The following RAB6A variants were observed in gnomAD, a reference collection of about 807,000 sequenced individuals.
RAB6A encodes the protein ras-related protein Rab-6A.
A neutral mutation model predicts 32.3 loss-of-function variants in RAB6A; 8 were observed. The ratio of observed to expected loss-of-function variants is 0.25; its 90% CI spans 0.15 to 0.45. The LOEUF is 0.45. RAB6A is among the 20% of genes least tolerant of loss of function. RAB6A has a pLI of 1.00. For synonymous variants in RAB6A, 73 were observed against 82.1 expected (o/e 0.89, Z 0.60); for missense variants, 104 against 249.4 (o/e 0.42, Z 3.93).
rs755868828 is a variant in RAB6A at position 73,742,986 on chromosome 11, A to T, written c.71-12163T>A. On this transcript the variant is annotated intron_variant, in intron 1 of 7. Coordinates refer to ENST00000336083, the MANE Select transcript of RAB6A (RefSeq NM_198896.2). ...CACTGAAGAAAACAAATATGCACAC[A>T]TACAAGAGAGTGAACAAGATAAGAA... 8.5e-5 allele frequency among the ~76,000 whole-genome samples: 13 copies of T among 152,092 alleles called. 1 individual carries two copies. Among genetic ancestry groups the T allele is most frequent in the Non-Finnish European group, 1.9e-4 (13 of 68,032 alleles).
chr11:73,757,125 ATATATTTTTTTTTT>A (rs1946770342), intron 1 of RAB6A, among the ~76,000 whole-genome samples: 2 of 46,138 alleles, frequency 4.3e-5, no homozygotes, highest in African/African-American at 1.1e-4. Context: ...ATATATATAT[ATATATTTTTTTTTT>A]TTTTTTTTTT....
intron 1 of RAB6A, among the ~76,000 whole-genome samples, chr11:73,739,954 G>A (rs1252683748): frequency 6.6e-6 from 1 of 151,872 alleles, no homozygotes; most frequent in Non-Finnish European, 1.5e-5. Context: ...AGCTACTCAG[G>A]AGACTGAGGC....
chr11:73,675,975 T>C lies in RAB6A; in HGVS notation c.*1923A>G, dbSNP rs1373751986. 1.2e-5 allele frequency: 2 copies of C among 166,620 alleles called. No individual in the cohort carries two copies. The highest frequency in any genetic ancestry group is 2.9e-5 in the Non-Finnish European group (2 of 68,026). 10.3% of individuals were successfully genotyped at this position (166,620 alleles called of 1,614,324 possible). On this transcript the variant is annotated 3_prime_UTR_variant, in exon 8 of 8. Coordinates refer to ENST00000336083, the MANE Select transcript of RAB6A (RefSeq NM_198896.2). ...TCAACCCTTGCCTTTAACAATTATATTGTATTATAAAAGCACTTTACAACT... is the reference window on the plus strand; with the variant it reads ...TCAACCCTTGCCTTTAACAATTATACTGTATTATAAAAGCACTTTACAACT...
At chr11:73,724,783 G>T (rs1367479665) in intron 2 of RAB6A, among the ~76,000 whole-genome samples, 1 of 152,160 alleles carries the variant, frequency 6.6e-6, no homozygotes, top group South Asian at 2.1e-4. Flanking sequence ...ACTGCGCCTG[G>T]CCTCCTAAAT....
intron 1 of RAB6A, among the ~76,000 whole-genome samples, chr11:73,745,111 T>TG (rs954550311): frequency 1.3e-5 from 2 of 152,170 alleles, no homozygotes; most frequent in African/African-American, 4.8e-5. Context: ...TCTTTTCTTA[T>TG]GGGAAAAAAT....
At chr11:73,729,562 GCTCT>G (rs1484298957) in intron 2 of RAB6A, 4 of 151,726 alleles carry the variant, frequency 2.6e-5, no homozygotes, top group Non-Finnish European at 1.5e-5. Flanking sequence ...TTGTTTTTCT[GCTCT>G]CTCTTTCATA....
At chr11:73,696,440 C>T (rs902355739) in intron 6 of RAB6A, among the ~76,000 whole-genome samples, 18 of 152,086 alleles carry the variant, frequency 1.2e-4, no homozygotes, top group African/African-American at 3.4e-4. Context: ...GTGATCCTCC[C>T]GCCTCAGCCT....
At chr11:73,724,733 G>A (rs761092634) in intron 2 of RAB6A, among the ~76,000 whole-genome samples, 9 of 151,898 alleles carry the variant, frequency 5.9e-5, no homozygotes, top group African/African-American at 9.7e-5. Flanking sequence ...TGATCCGCCC[G>A]CCTTGGCCTC....
At chr11:73,739,220 G>A (rs1239653239) in intron 1 of RAB6A, among the ~76,000 whole-genome samples, 3 of 132,152 alleles carry the variant, frequency 2.3e-5, no homozygotes, top group African/African-American at 2.9e-5. Context: ...ACTCTGGCCT[G>A]GGAGACAGAG....
intron 6 of RAB6A, among the ~76,000 whole-genome samples, chr11:73,702,180 T>C (rs763724425): frequency 1.6e-4 from 25 of 152,190 alleles, no homozygotes; most frequent in Non-Finnish European, 3.1e-4. Context: ...TTTTTGTTTA[T>C]TGAGACAGTC....
chr11:73,742,724 C>T (rs1040334408), intron 1 of RAB6A, among the ~76,000 whole-genome samples: 25 of 151,926 alleles, frequency 1.6e-4, no homozygotes, highest in Non-Finnish European at 2.8e-4. Context: ...GCAGGAGAAT[C>T]GCTTGAACTC....
At chr11:73,738,232 T>C (rs1946432566) in intron 1 of RAB6A, among the ~76,000 whole-genome samples, 1 of 152,132 alleles carries the variant, frequency 6.6e-6, no homozygotes, top group African/African-American at 2.4e-5. Flanking sequence ...GGTTTTGAAC[T>C]CCTGAGCTCA....
intron 6 of RAB6A, among the ~76,000 whole-genome samples, chr11:73,697,635 C>T (rs1322173691): frequency 6.6e-6 from 1 of 152,144 alleles, no homozygotes; most frequent in Non-Finnish European, 1.5e-5. Flanking sequence ...GCATGAGCCA[C>T]TGTGCCTGGC....
Position 73,716,368 on chromosome 11 carries a change from A to T in RAB6A, c.290-6T>A. ...TTGCTGGAATGAGTTAACATCTAGT[A>T]TAGGAGGGTAGACAGAGAGATTAGT... On this transcript the variant is annotated splice_polypyrimidine_tract_variant and splice_region_variant and intron_variant, in intron 4 of 7. Coordinates refer to ENST00000336083, the MANE Select transcript of RAB6A (RefSeq NM_198896.2). 6.3e-7 allele frequency: 1 copy of T among 1,596,464 alleles called. No homozygotes were observed. Among genetic ancestry groups the T allele is most frequent in the Non-Finnish European group, 8.6e-7 (1 of 1,164,224 alleles).
At chr11:73,679,869 C>A in intron 6 of RAB6A, 149 bp from the exon 7 acceptor site, 1 of 948,118 alleles carries the variant, frequency 1.1e-6, no homozygotes, top group East Asian at 2.7e-5. Context: ...CCGAGGTGGG[C>A]AGATCACTTG....
chr11:73,714,209 A>AAAATATAT (rs35864471), intron 5 of RAB6A, among the ~76,000 whole-genome samples: 69 of 57,558 alleles, frequency 1.2e-3, no homozygotes, highest in African/African-American at 3.3e-3. Context: ...AAAAAAAAAA[A>AAAATATAT]ATATATATAT....
At chr11:73,724,539 G>A (rs1198805594) in intron 2 of RAB6A, among the ~76,000 whole-genome samples, 2 of 143,988 alleles carry the variant, frequency 1.4e-5, no homozygotes, top group Non-Finnish European at 3.0e-5. Context: ...AGGCTGGAGT[G>A]CAGTGGCTCA....
chr11:73,760,061 A>T, intron 1 of RAB6A: 1 of 1,289,604 alleles, frequency 7.8e-7, no homozygotes, highest in Non-Finnish European at 1.0e-6. Flanking sequence ...CCACGACATC[A>T]GCACTTCGCA....
At chr11:73,686,670 T>C (rs1037637035) in intron 6 of RAB6A, among the ~76,000 whole-genome samples, 17 of 152,064 alleles carry the variant, frequency 1.1e-4, no homozygotes, top group African/African-American at 3.9e-4. Flanking sequence ...CTTGTGAAAA[T>C]GGAATAAAAT....
Sources: allele counts gnomAD v4.1 joint callset (sites outside exome capture counted in the v4.1 genomes callset), GRCh38; gene constraint gnomAD v4.1.1; transcripts MANE v1.5; gene names NCBI Gene and HGNC (gene_info 2026-07-23, HGNC 2026-07-21).